MARCHF11: variants seen among roughly 807,000 people sequenced by gnomAD.
MARCHF11 encodes membrane associated ring-CH-type finger 11.
Under a neutral mutation model 37.3 loss-of-function variants are expected in MARCHF11, and 29 were observed. The ratio of observed to expected loss-of-function variants is 0.78; its 90% CI spans 0.58 to 1.06. The LOEUF is 1.06. Among genes scored for constraint, MARCHF11 ranks in the 50% least tolerant of loss-of-function variants. The pLI is 0.00. For missense variants in MARCHF11, 482 were observed against 533.4 expected, an observed-to-expected ratio of 0.90 and a Z score of 0.95; for synonymous variants, 233 against 228.0, an observed-to-expected ratio of 1.02 and a Z score of -0.20.
chr5:16,139,478 T>C (rs1024535194), intron 2 of MARCHF11, among the ~76,000 whole-genome samples: 1 of 152,128 alleles, frequency 6.6e-6, no homozygotes, highest in Admixed American at 6.6e-5. Context: ...AATGGACTAA[T>C]ACATATGCTA....
intron 3 of MARCHF11, among the ~76,000 whole-genome samples, chr5:16,083,123 T>C (rs576686382): frequency 6.6e-6 from 1 of 152,346 alleles, no homozygotes; most frequent in South Asian, 2.1e-4. Flanking sequence ...TTTTGAATGG[T>C]GTGCAGCTGC....
chr5:16,114,025 A>G (rs1351468407), intron 2 of MARCHF11, among the ~76,000 whole-genome samples: 1 of 151,096 alleles, frequency 6.6e-6, no homozygotes, highest in Non-Finnish European at 1.5e-5. Flanking sequence ...GCTCCCCCAT[A>G]TGATTGCGAA....
chr5:16,130,673 T>C (rs754149092), intron 2 of MARCHF11, among the ~76,000 whole-genome samples: 1 of 152,158 alleles, frequency 6.6e-6, no homozygotes, highest in Non-Finnish European at 1.5e-5. Context: ...AGAAGTGTCA[T>C]TGAATGGAGT....
Position 16,179,263 on chromosome 5 carries a change from CT to C in MARCHF11, c.312del (p.Gly105ValfsTer79). The C allele has an allele frequency of 7.5e-7, 1 of 1,330,382 alleles. No individual in the cohort carries two copies. The highest frequency in any genetic ancestry group is 1.9e-5 in the South Asian group (1 of 53,052). 82.4% of individuals were successfully genotyped at this position (1,330,382 alleles called of 1,614,324 possible). A position where few individuals can be genotyped will look rare whatever the true frequency, so the allele number is the denominator to read the frequency against. ...QEVAAAGDSG[E>X]GPRRLPEAAA... Reference sequence around the variant, plus strand: ...GCCGCCTCCGGGAGGCGCCTCGGACCTTCCCCGGAGTCGCCGGCCGCCGCCA... The same window carrying C: ...GCCGCCTCCGGGAGGCGCCTCGGACCTCCCCGGAGTCGCCGGCCGCCGCCA... On this transcript the variant is annotated frameshift_variant, in exon 1 of 4. Transcript: ENST00000332432. LOFTEE classifies it high-confidence loss of function.
intron 2 of MARCHF11, among the ~76,000 whole-genome samples, chr5:16,130,351 C>T (rs938559822): frequency 6.6e-6 from 1 of 151,842 alleles, no homozygotes. Context: ...ATGAGCACTT[C>T]GATAAGATTC....
chr5:16,134,196 G>A (rs1424777676), intron 2 of MARCHF11, among the ~76,000 whole-genome samples: 7 of 152,120 alleles, frequency 4.6e-5, no homozygotes, highest in South Asian at 2.1e-4. Context: ...TGACACAGGC[G>A]CTCTCATAAG....
At position 16,085,428 on chromosome 5, in the gene MARCHF11, A is replaced by G. The variant is rs139795948; in HGVS notation, c.886+5461T>C. ...CATTTTTATTTTTATTTTTTAGATAAAATTGTCCCACAAACTTAAATAGCT... is the reference window on the plus strand; with the variant it reads ...CATTTTTATTTTTATTTTTTAGATAGAATTGTCCCACAAACTTAAATAGCT... On this transcript the variant is annotated intron_variant, in intron 3 of 3. Coordinates refer to ENST00000332432, the MANE Select transcript of MARCHF11 (RefSeq NM_001102562.3). Among the ~76,000 whole-genome samples, 950 of 152,220 alleles carry G rather than the reference A, an allele frequency of 6.2e-3. 9 individuals carry two copies. The highest frequency in any genetic ancestry group is 0.021 in the African/African-American group (887 of 41,528).
chr5:16,106,293 T>C (rs1377444784), intron 2 of MARCHF11, among the ~76,000 whole-genome samples: 1 of 152,138 alleles, frequency 6.6e-6, no homozygotes, highest in African/African-American at 2.4e-5. Flanking sequence ...AGAGGGGTCA[T>C]TTGAAAAGTA....
intron 2 of MARCHF11, among the ~76,000 whole-genome samples, chr5:16,101,286 G>C (rs972071844): frequency 9.9e-5 from 15 of 152,150 alleles, no homozygotes; most frequent in African/African-American, 3.6e-4. Context: ...TGAGGCAGGA[G>C]AGTGGCGTGA....
chr5:16,156,246 T>C (rs1737976165), intron 2 of MARCHF11, among the ~76,000 whole-genome samples: 1 of 151,928 alleles, frequency 6.6e-6, no homozygotes, highest in South Asian at 2.1e-4. Flanking sequence ...AATTCCACTG[T>C]TAGACTCTGA....
At chr5:16,067,819 A>G (rs762079715) in intron 3 of MARCHF11, 26 bp from the exon 4 acceptor site, 1 of 1,579,572 alleles carries the variant, frequency 6.3e-7, no homozygotes, top group Non-Finnish European at 8.6e-7. Context: ...ATAAAAAACC[A>G]AAAAGACTGG....
intron 2 of MARCHF11, among the ~76,000 whole-genome samples, chr5:16,161,676 A>T (rs534901561): frequency 6.6e-6 from 1 of 152,126 alleles, no homozygotes; most frequent in African/African-American, 2.4e-5. Context: ...ATTTATTTCA[A>T]ATGGAGTCTG....
intron 2 of MARCHF11, among the ~76,000 whole-genome samples, chr5:16,132,854 T>C (rs1203958566): frequency 2.6e-5 from 4 of 151,992 alleles, no homozygotes; most frequent in Non-Finnish European, 5.9e-5. Context: ...GAAATAAAGA[T>C]AAATAATTGC....
chr5:16,083,087 A>G (rs1736639854), intron 3 of MARCHF11, among the ~76,000 whole-genome samples: 1 of 152,206 alleles, frequency 6.6e-6, no homozygotes, highest in Admixed American at 6.5e-5. Context: ...TTGTGATGAA[A>G]GTCTTTTGAT....
At chr5:16,067,846 G>T in intron 3 of MARCHF11, 53 bp from the exon 4 acceptor site, 1 of 1,491,390 alleles carries the variant, frequency 6.7e-7, no homozygotes, top group South Asian at 1.3e-5. Context: ...TCCAAGGCTG[G>T]GAGTGTTATT....
intron 2 of MARCHF11, among the ~76,000 whole-genome samples, chr5:16,106,548 T>C (rs553378106): frequency 1.3e-5 from 2 of 152,310 alleles, no homozygotes; most frequent in African/African-American, 4.8e-5. Context: ...TTTCTTTACA[T>C]GAGTGACTTG....
chr5:16,080,762 T>C (rs562650459), intron 3 of MARCHF11, among the ~76,000 whole-genome samples: 90 of 152,334 alleles, frequency 5.9e-4, no homozygotes, highest in African/African-American at 2.1e-3. Flanking sequence ...GCAGTCTTAA[T>C]GCAGGCCTAA....
At chr5:16,131,042 A>G (rs1467625108) in intron 2 of MARCHF11, among the ~76,000 whole-genome samples, 2 of 152,250 alleles carry the variant, frequency 1.3e-5, no homozygotes, top group African/African-American at 4.8e-5. Flanking sequence ...AGTACCTTGA[A>G]TATTTCAATC....
chr5:16,172,257 G>A (rs773341687), intron 2 of MARCHF11, among the ~76,000 whole-genome samples: 9 of 152,026 alleles, frequency 5.9e-5, no homozygotes, highest in Non-Finnish European at 8.8e-5. Context: ...AGTAAAATAC[G>A]GATTCTTATG....
Sources: allele counts gnomAD v4.1 joint callset (sites outside exome capture counted in the v4.1 genomes callset), GRCh38; gene constraint gnomAD v4.1.1; transcripts MANE v1.5; gene names NCBI Gene and HGNC (gene_info 2026-07-23, HGNC 2026-07-21).